SIGLEC5: variants seen among roughly 807,000 people sequenced by gnomAD.
SIGLEC5 encodes sialic acid-binding Ig-like lectin 5.
SIGLEC5 carries 34 observed loss-of-function variants against 45.9 expected under a neutral mutation model. The ratio of observed to expected loss-of-function variants is 0.74; its 90% CI spans 0.56 to 0.99. The LOEUF is 0.99. Ranked by LOEUF, SIGLEC5 falls within the 50% of genes least tolerant of loss-of-function variation. The pLI is 0.00. For synonymous variants in SIGLEC5, 203 were observed against 258.6 expected (o/e 0.79, Z 2.06); for missense variants, 508 against 629.6 (o/e 0.81, Z 2.07).
chr19:51,611,785 G>C lies in SIGLEC5; in HGVS notation c.*446C>G, dbSNP rs1410143375. On this transcript the variant is annotated 3_prime_UTR_variant, in exon 9 of 9. Coordinates refer to ENST00000683636, the MANE Select transcript of SIGLEC5 (RefSeq NM_003830.4). ...GGGAGTCTTCGAAGAGTTTTGGGAA[G>C]GGGAGTGACACCAACATATTGCTGC... 6.6e-6 allele frequency: 1 copy of C among 152,482 alleles called. No homozygotes were observed. Among genetic ancestry groups the C allele is most frequent in the African/African-American group, 2.4e-5 (1 of 41,460 alleles). The allele number at this position is 152,482 out of a possible 1,614,324, so 9.4% of individuals were successfully genotyped here. A position where few individuals can be genotyped will look rare whatever the true frequency, so the allele number is the denominator to read the frequency against.
chr19:51,618,601 G>A (rs982517139), intron 8 of SIGLEC5, among the ~76,000 whole-genome samples: 3 of 151,468 alleles, frequency 2.0e-5, no homozygotes, highest in Non-Finnish European at 4.4e-5. Context: ...AGACCAGCCC[G>A]GTCAACATGA....
chr19:51,628,376 C>T (rs1013874618), intron 4 of SIGLEC5, among the ~76,000 whole-genome samples: 2 of 152,088 alleles, frequency 1.3e-5, no homozygotes, highest in African/African-American at 4.8e-5. Context: ...AAATACAGTC[C>T]GCTAATGTGA....
At position 51,612,011 on chromosome 19, in the gene SIGLEC5, A is replaced by T. The variant is rs1373449993; in HGVS notation, c.*220T>A. 2.8e-6 allele frequency: 1 copy of T among 355,702 alleles called. No individual in the cohort carries two copies. The highest frequency in any genetic ancestry group is 5.1e-6 in the Non-Finnish European group (1 of 197,640). The allele number at this position is 355,702 out of a possible 1,614,324, so 22.0% of individuals were successfully genotyped here. A position where few individuals can be genotyped will look rare whatever the true frequency, so the allele number is the denominator to read the frequency against. On this transcript the variant is annotated 3_prime_UTR_variant, in exon 9 of 9. Coordinates refer to ENST00000683636, the MANE Select transcript of SIGLEC5 (RefSeq NM_003830.4). ...CATGATCTCTGATTTACAGAATGGGAAACTGAGGCACAGAGGGATGCAGTG... is the reference window on the plus strand; with the variant it reads ...CATGATCTCTGATTTACAGAATGGGTAACTGAGGCACAGAGGGATGCAGTG...
chr19:51,628,085 T>C lies in SIGLEC5; in HGVS notation c.746A>G (p.Glu249Gly). 1 of 1,530,316 alleles carries C rather than the reference T, an allele frequency of 6.5e-7. No individual in the cohort carries two copies. Among genetic ancestry groups the C allele is most frequent in the Non-Finnish European group, 8.8e-7 (1 of 1,138,042 alleles). The allele number at this position is 1,530,316 out of a possible 1,614,324, so 94.8% of individuals were successfully genotyped here. A position where few individuals can be genotyped will look rare whatever the true frequency, so the allele number is the denominator to read the frequency against. The change falls in exon 5 of 9, where the codon GAG (glutamate) becomes GGG (glycine). Residue 249 changes from glutamate to glycine, a missense_variant. Physicochemically the swap from Glu to Gly is moderately conservative, Grantham distance 98. This residue lies in a region of SIGLEC5 where 431 missense variants were observed against 428.8 expected (regional missense o/e 1.01). Coordinates refer to ENST00000683636, the MANE Select transcript of SIGLEC5 (RefSeq NM_003830.4). ...ITIFRNGIALEILQNTSYLPV... is the reference protein window; with the variant it reads ...ITIFRNGIALGILQNTSYLPV... The stretch of plus-strand genomic sequence containing the variant: ...AAGGTATGAGGTGTTTTGCAGGATC[T>C]CTAGGGCTTTGGGGAGAGAAGGGTG...
At chr19:51,615,673 G>A (rs1983026590) in intron 8 of SIGLEC5, among the ~76,000 whole-genome samples, 1 of 152,250 alleles carries the variant, frequency 6.6e-6, no homozygotes, top group African/African-American at 2.4e-5. Flanking sequence ...ACGAGGGTCT[G>A]AAGATGGAGG....
rs528357388 is a variant in SIGLEC5, at chr19:51,626,619, C to A, written c.1383-506G>T. Among the ~76,000 whole-genome samples, 4 of 152,166 alleles carry A rather than the reference C, an allele frequency of 2.6e-5. No homozygotes were observed. The East Asian group carries it at 7.7e-4, about 29-fold the overall frequency. On this transcript the variant is annotated intron_variant, in intron 7 of 8. Transcript: ENST00000683636. ...AGTACAACTGCAACTTCAGGACAGA[C>A]AAATCCACAGAGACATGGAATAGGT...
chr19:51,618,443 T>TAAAAAA lies in SIGLEC5; in HGVS notation c.1465-6027_1465-6022dup, dbSNP rs1228951315. The stretch of plus-strand genomic sequence containing the variant: ...CCGCATGAGTGAGTGAGACCCTGCC[T>TAAAAAA]AAAAAAAAAAAAAAAAAAAAAAAAA... On this transcript the variant is annotated intron_variant, in intron 8 of 8. Coordinates refer to ENST00000683636, the MANE Select transcript of SIGLEC5 (RefSeq NM_003830.4). Among the ~76,000 whole-genome samples, 99 of 49,402 alleles carry TAAAAAA rather than the reference T, an allele frequency of 2.0e-3. 6 individuals carry two copies. Among genetic ancestry groups the TAAAAAA allele is most frequent in the Non-Finnish European group, 2.5e-3 (73 of 29,252 alleles). The allele number at this position is 49,402 out of a possible 152,430, so 32.4% of individuals were successfully genotyped here.
In SIGLEC5 at chr19:51,611,326, T is replaced by A. The variant is rs1014234717; in HGVS notation, c.*905A>T. 2.0e-5 allele frequency among the ~76,000 whole-genome samples: 3 copies of A among 152,230 alleles called. No individual in the cohort carries two copies. Among genetic ancestry groups the A allele is most frequent in the African/African-American group, 7.2e-5 (3 of 41,444 alleles). On this transcript the variant is annotated 3_prime_UTR_variant, in exon 9 of 9. Transcript: ENST00000683636. ...CACTCTTCCAACTCAAGACCACCCA[T>A]TAACTCATGTTTGGAGGAAAAGATA...
intron 4 of SIGLEC5, 106 bp from the exon 5 acceptor site, chr19:51,628,197 T>C (rs1983577218): frequency 7.8e-7 from 1 of 1,275,916 alleles, no homozygotes; most frequent in East Asian, 2.6e-5. Flanking sequence ...TCTCCTCCCC[T>C]GGCCTATGCT....
At chr19:51,629,273 C>T (rs1274781528) in intron 3 of SIGLEC5, 85 bp downstream of exon 3, 60 of 596,252 alleles carry the variant, frequency 1.0e-4, no homozygotes, top group Non-Finnish European at 1.4e-4. Context: ...GTCTTCCTTA[C>T]ACACACACAC....
rs199698179 is a variant in SIGLEC5, at chr19:51,627,953, A to T, written c.878T>A (p.Ile293Asn). Residue 293 changes from isoleucine to asparagine, a missense_variant, in exon 5 of 9, where the codon ATC becomes AAC. By Grantham distance (149) the Ile-to-Asn change is moderately radical. Around this residue, in one of 2 missense-constraint regions of SIGLEC5, gnomAD observed 431 missense variants for 428.8 expected, o/e 1.01. Coordinates refer to ENST00000683636, the MANE Select transcript of SIGLEC5 (RefSeq NM_003830.4). The part of the protein sequence containing the change: ...QGSPALNATP[I>N]SNTGILELRR... ...AAGCTCCAAGATCCCGGTATTGGAG[A>T]TGGGGGTGGCGTTCAGGGCAGGGGA... 1.9e-6 allele frequency: 3 copies of T among 1,613,860 alleles called. No individual in the cohort carries two copies. The African/African-American group carries it at 4.0e-5, about 22-fold the overall frequency.
Position 51,612,338 on chromosome 19 carries a change from C to G in SIGLEC5, c.1549G>C (p.Glu517Gln). The change falls in exon 9 of 9, where the codon GAG becomes CAG. Residue 517 changes from glutamate (E) to glutamine (Q), a missense_variant. Coordinates refer to ENST00000683636, the MANE Select transcript of SIGLEC5 (RefSeq NM_003830.4). ...GDAPPLEEQK[E>Q]LHYASLSFSE... ...AAACTAAGGGAGGCATAATGGAGCT[C>G]CTTTTGTTCTTCCAAGGGAGGGGCA... The G allele has an allele frequency of 1.9e-6, 3 of 1,613,332 alleles. No homozygotes were observed. Among genetic ancestry groups the G allele is most frequent in the Non-Finnish European group, 2.5e-6 (3 of 1,179,786 alleles).
At chr19:51,628,318 G>T (rs1289461883) in intron 4 of SIGLEC5, among the ~76,000 whole-genome samples, 1 of 152,184 alleles carries the variant, frequency 6.6e-6, no homozygotes, top group Non-Finnish European at 1.5e-5. Flanking sequence ...ACTGGTACAT[G>T]CCTGGACTGT....
intron 8 of SIGLEC5, among the ~76,000 whole-genome samples, chr19:51,618,792 CAAAAAAAA>C (rs398035001): frequency 1.6e-3 from 75 of 48,310 alleles, no homozygotes; most frequent in African/African-American, 5.7e-3. Flanking sequence ...ACTCTGTCTC[CAAAAAAAA>C]AAAAAAAAAA....
At chr19:51,627,319 A>G (rs117889167) in intron 6 of SIGLEC5, 71 bp from the exon 7 acceptor site, 2 of 1,557,238 alleles carry the variant, frequency 1.3e-6, no homozygotes, top group African/African-American at 1.4e-5. Context: ...CTGCTGGGCA[A>G]CTTGCTCCAG....
intron 7 of SIGLEC5, among the ~76,000 whole-genome samples, chr19:51,626,732 G>A (rs1338899228): frequency 6.6e-6 from 1 of 152,092 alleles, no homozygotes; most frequent in Non-Finnish European, 1.5e-5. Context: ...TGATGAAAAT[G>A]TTCTAAAATT....
Position 51,627,657 on chromosome 19 carries a change from G to A in SIGLEC5, c.1087C>T (p.Leu363=), listed in dbSNP as rs267605623. Residue 363 remains leucine, a synonymous_variant, in exon 6 of 9, where the codon CTG becomes TTG. Coordinates refer to ENST00000683636, the MANE Select transcript of SIGLEC5 (RefSeq NM_003830.4). ...GGCTTCTCCTCAAGCCGCCAGCACA[G>A]GGAGGGGGCCGGCCGGGCTCGAAAG... ...CSFRARPAPS[L]CWRLEEKPLE... 1.7e-5 allele frequency: 27 copies of A among 1,611,920 alleles called. No individual in the cohort carries two copies. The East Asian group carries it at 6.0e-4, about 36-fold the overall frequency.
Position 51,627,502 on chromosome 19 carries a change from G to A in SIGLEC5, c.1242C>T (p.Asn414=). 5 of 1,614,054 alleles carry A rather than the reference G, an allele frequency of 3.1e-6. No individual in the cohort carries two copies. The highest frequency in any genetic ancestry group is 4.2e-6 in the Non-Finnish European group (5 of 1,180,032). The change falls in exon 6 of 9, where the codon AAC becomes AAT. Residue 414 remains asparagine, a synonymous_variant. Coordinates refer to ENST00000683636, the MANE Select transcript of SIGLEC5 (RefSeq NM_003830.4). ...SDLKVSCKAW[N]IYGSQSGSVL... The stretch of plus-strand genomic sequence containing the variant: ...CAGAGCCGCTCTGGGACCCATAGAT[G>A]TTCCAGGCCTTGCAGCTGACTTTGA...
In SIGLEC5 at chr19:51,629,124, G is replaced by A. The variant is rs753336781; in HGVS notation, c.701-48C>T. 11 of 1,600,440 alleles carry A rather than the reference G, an allele frequency of 6.9e-6. No homozygotes were observed. In the South Asian group the frequency reaches 1.1e-4, roughly 16 times the overall value. Reference sequence around the variant, plus strand: ...TGGCTTCAGCAGTGAGGAGTGAGATGGGCATGGGCCCAGGAGGTACCCAAA... The same window carrying A: ...TGGCTTCAGCAGTGAGGAGTGAGATAGGCATGGGCCCAGGAGGTACCCAAA... On this transcript the variant is annotated intron_variant, in intron 3 of 8. Transcript: ENST00000683636.
Sources: allele counts gnomAD v4.1 joint callset (sites outside exome capture counted in the v4.1 genomes callset), GRCh38; gene constraint gnomAD v4.1.1; regional missense constraint gnomAD v4.1.1; transcripts MANE v1.5; gene names NCBI Gene and HGNC (gene_info 2026-07-23, HGNC 2026-07-21).